Variants in RAB44 observed in about 807,000 individuals in gnomAD.
RAB44 encodes RAB44, member RAS oncogene family, also known as ras-related protein Rab-44.
Under a neutral mutation model 93.3 loss-of-function variants are expected in RAB44, and 67 were observed. The observed-to-expected ratio is 0.72, with a 90% CI of 0.59 to 0.88. The LOEUF (loss-of-function observed/expected upper bound fraction) is 0.88, where lower values mean the gene tolerates loss of function less well. Ranked by LOEUF, RAB44 falls within the 40% of genes least tolerant of loss-of-function variation. The pLI is 0.00. For missense variants in RAB44, 1,064 were observed against 1,261.7 expected, an observed-to-expected ratio of 0.84 and a Z score of 2.37; for synonymous variants, 427 against 520.3, an observed-to-expected ratio of 0.82 and a Z score of 2.44.
chr6:36,722,753 C>A lies in RAB44; in HGVS notation c.2599+20C>A. The A allele has an allele frequency of 6.5e-7, 1 of 1,550,150 alleles. No individual in the cohort carries two copies. Among genetic ancestry groups the A allele is most frequent in the South Asian group, 1.2e-5 (1 of 84,004 alleles). On this transcript the variant is annotated intron_variant, in intron 9 of 13. Transcript: ENST00000612677. ...CCGTGGGTAAGGGCATTGGGGAGGG[C>A]GGCAGGGAGCAAGGAGAGACGCAGG...
chr6:36,728,714 T>A lies in RAB44; in HGVS notation c.2811T>A (p.Asp937Glu). Residue 937 changes from aspartate to glutamate, a missense_variant, in exon 12 of 14, where the codon GAT becomes GAA. Physicochemically the swap from Asp to Glu is conservative, Grantham distance 45. Coordinates refer to ENST00000612677, the MANE Select transcript of RAB44 (RefSeq NM_001257357.2). ...WLDCLQDAGS[D>E]GVVILLLGNK... ...TCTGTGTGCAGGATGCAGGGTCGGA[T>A]GGGGTGGTCATCCTTCTCCTGGGAA... is the stretch of plus-strand genomic sequence containing the variant. 3 of 1,550,320 alleles carry A rather than the reference T, an allele frequency of 1.9e-6. No individual in the cohort carries two copies. In the South Asian group the frequency reaches 3.6e-5, roughly 18 times the overall value.
intron 2 of RAB44, among the ~76,000 whole-genome samples, chr6:36,707,058 G>A (rs562454379): frequency 2.0e-4 from 30 of 152,198 alleles, no homozygotes; most frequent in Admixed American, 9.8e-4. Context: ...GGTGGCTCAC[G>A]CCTGTAATCT....
chr6:36,702,439 G>A (rs1231616188), intron 1 of RAB44, among the ~76,000 whole-genome samples: 1 of 152,130 alleles, frequency 6.6e-6, no homozygotes, highest in Non-Finnish European at 1.5e-5. Flanking sequence ...CTTGCCCAAG[G>A]GGAGGCCGTG....
Position 36,722,728 on chromosome 6 carries a change from C to T in RAB44, c.2594C>T (p.Thr865Ile), listed in dbSNP as rs1407832006. ...QNSFATGLTATVGVDFRVKTL... is the reference protein window; with the variant it reads ...QNSFATGLTAIVGVDFRVKTL... ...TCTTTCGCCACCGGATTGACAGCTACCGTGGGTAAGGGCATTGGGGAGGGC... is the reference window on the plus strand; with the variant it reads ...TCTTTCGCCACCGGATTGACAGCTATCGTGGGTAAGGGCATTGGGGAGGGC... Residue 865 changes from threonine (T) to isoleucine (I), a missense_variant, in exon 9 of 14, where the codon ACC (threonine) becomes ATC (isoleucine). Transcript: ENST00000612677. 18 of 1,550,488 alleles carry T rather than the reference C, an allele frequency of 1.2e-5. No homozygotes were observed. Among genetic ancestry groups the T allele is most frequent in the Non-Finnish European group, 1.5e-5 (17 of 1,147,006 alleles).
intron 12 of RAB44, among the ~76,000 whole-genome samples, chr6:36,729,368 A>G (rs1341271000): frequency 6.6e-6 from 1 of 151,946 alleles, no homozygotes; most frequent in African/African-American, 2.4e-5. Context: ...CCTCTCACAC[A>G]ACCCCTCTTG....
At position 36,721,676 on chromosome 6, in the gene RAB44, C is replaced by T; in HGVS notation, c.1542C>T (p.Ala514=). 6 of 1,234,402 alleles carry T rather than the reference C, an allele frequency of 4.9e-6. No individual in the cohort carries two copies. The highest frequency in any genetic ancestry group is 3.2e-5 in the East Asian group (1 of 31,694). 76.5% of individuals were successfully genotyped at this position (1,234,402 alleles called of 1,614,324 possible). A position where few individuals can be genotyped will look rare whatever the true frequency, so the allele number is the denominator to read the frequency against. ...PPPANSPPPQ[A]PAGSSKQIQA... ...CTGCGAACTCTCCCCCTCCCCAGGC[C>T]CCAGCTGGGTCCAGCAAACAGATCC... Residue 514 remains alanine (A), a synonymous_variant, in exon 9 of 14, where the codon GCC becomes GCT. Coordinates refer to ENST00000612677, the MANE Select transcript of RAB44 (RefSeq NM_001257357.2).
At chr6:36,702,433 C>T (rs1762536546) in intron 1 of RAB44, among the ~76,000 whole-genome samples, 1 of 151,988 alleles carries the variant, frequency 6.6e-6, no homozygotes, top group Non-Finnish European at 1.5e-5. Flanking sequence ...GGGAAGCTTG[C>T]CCAAGGGGAG....
chr6:36,699,986 T>G (rs560145416), intron 1 of RAB44, among the ~76,000 whole-genome samples: 1 of 152,204 alleles, frequency 6.6e-6, no homozygotes, highest in African/African-American at 2.4e-5. Flanking sequence ...GATAGAACAG[T>G]GAACAGAATG....
Position 36,704,337 on chromosome 6 carries a change from C to T in RAB44, c.102C>T (p.Ala34=), listed in dbSNP as rs1304196956. The change falls in exon 2 of 14, where the codon GCC becomes GCT. Residue 34 remains alanine, a synonymous_variant. Coordinates refer to ENST00000612677, the MANE Select transcript of RAB44 (RefSeq NM_001257357.2). The part of the protein sequence containing the change: ...EPADGEGAAV[A]PEPESWSSQA... Reference sequence around the variant, plus strand: ...CTGATGGTGAAGGCGCTGCAGTGGCCCCAGAGCCAGAGTCTTGGTCCTCTC... The same window carrying T: ...CTGATGGTGAAGGCGCTGCAGTGGCTCCAGAGCCAGAGTCTTGGTCCTCTC... The T allele has an allele frequency of 3.5e-5, 54 of 1,535,958 alleles. No individual in the cohort carries two copies. Among genetic ancestry groups the T allele is most frequent in the Non-Finnish European group, 4.5e-5 (52 of 1,146,898 alleles).
rs1271243355 is a variant in RAB44, at chr6:36,717,280, G to T, written c.502G>T (p.Glu168Ter). ...GTGHLLPKQMEIWQLWGQLRQ... is the reference protein window; with the variant it reads ...GTGHLLPKQM Reference sequence around the variant, plus strand: ...CTGTCTTCCCCTCCCCAGGCAGATGGAAATCTGGCAACTGTGGGGGCAGCT... The same window carrying T: ...CTGTCTTCCCCTCCCCAGGCAGATGTAAATCTGGCAACTGTGGGGGCAGCT... Residue 168 changes from glutamate (E) to a stop codon, truncating the protein, a stop_gained, in exon 5 of 14, where the codon GAA (glutamate) becomes TAA (stop). Coordinates refer to ENST00000612677, the MANE Select transcript of RAB44 (RefSeq NM_001257357.2). LOFTEE classifies it high-confidence loss of function. The surrounding 1 kb of genome is among the most constrained non-coding windows in gnomAD (Gnocchi z 4.1). The T allele has an allele frequency of 8.1e-7, 1 of 1,232,054 alleles. No homozygotes were observed. Among genetic ancestry groups the T allele is most frequent in the Admixed American group, 4.2e-5 (1 of 23,694 alleles). 76.3% of individuals were successfully genotyped at this position (1,232,054 alleles called of 1,614,324 possible).
At chr6:36,704,527 C>G in intron 2 of RAB44, 85 bp downstream of exon 2, 10 of 1,223,274 alleles carry the variant, frequency 8.2e-6, no homozygotes, top group East Asian at 2.6e-5. Flanking sequence ...GAAGGCAGGG[C>G]TTGCTACCCC....
At chr6:36,712,550 A>G (rs1350810798) in intron 2 of RAB44, among the ~76,000 whole-genome samples, 1 of 152,022 alleles carries the variant, frequency 6.6e-6, no homozygotes, top group Non-Finnish European at 1.5e-5. Flanking sequence ...TTTTTAGTAG[A>G]GACGGAGTTT....
chr6:36,729,461 G>A (rs1203081186), intron 12 of RAB44, among the ~76,000 whole-genome samples: 1 of 151,834 alleles, frequency 6.6e-6, no homozygotes, highest in Non-Finnish European at 1.5e-5. Flanking sequence ...CCTGCTGGAA[G>A]GGAATTTTTT....
chr6:36,717,744 G>A lies in RAB44; in HGVS notation c.642-284G>A, dbSNP rs1219352831. Among the ~76,000 whole-genome samples, 3 of 152,168 alleles carry A rather than the reference G, an allele frequency of 2.0e-5. No individual in the cohort carries two copies. The highest frequency in any genetic ancestry group is 7.2e-5 in the African/African-American group (3 of 41,428). On this transcript the variant is annotated intron_variant, in intron 5 of 13. Transcript: ENST00000612677. This position sits in a 1 kb window ranked among gnomAD's most constrained non-coding sequence, Gnocchi z 4.1. ...AGGAGGACGGTGAAAGAGGGAGTGG[G>A]GACTGAGTGATGGGGTGATGGGGAC...
chr6:36,720,356 C>G lies in RAB44; in HGVS notation c.829-7C>G, dbSNP rs1409854591. The stretch of plus-strand genomic sequence containing the variant: ...GGCTTCTCTCCGCCTCACCCTCCAC[C>G]CTGCAGCTGGAGGCCCAGCTCTCCC... On this transcript the variant is annotated splice_polypyrimidine_tract_variant and splice_region_variant and intron_variant, in intron 7 of 13. Transcript: ENST00000612677. 4.1e-6 allele frequency: 5 copies of G among 1,232,244 alleles called. No individual in the cohort carries two copies. In the African/African-American group the frequency reaches 4.7e-5, roughly 11 times the overall value. 76.3% of individuals were successfully genotyped at this position (1,232,244 alleles called of 1,614,324 possible). A position where few individuals can be genotyped will look rare whatever the true frequency, so the allele number is the denominator to read the frequency against.
rs1284052735 is a variant in RAB44, at chr6:36,723,769, T to A, written c.2599+1036T>A. On this transcript the variant is annotated intron_variant, in intron 9 of 13. Coordinates refer to ENST00000612677, the MANE Select transcript of RAB44 (RefSeq NM_001257357.2). ...AGAATGACGTGAACCCAGGAGGCGGTGCTTGCAGTGAGTCGAGATCGCACC... is the reference window on the plus strand; with the variant it reads ...AGAATGACGTGAACCCAGGAGGCGGAGCTTGCAGTGAGTCGAGATCGCACC... Among the ~76,000 whole-genome samples the A allele has an allele frequency of 1.7e-4, 24 of 141,660 alleles. 1 individual carries two copies. Among genetic ancestry groups the A allele is most frequent in the Admixed American group, 7.6e-4 (10 of 13,082 alleles). 92.9% of individuals were successfully genotyped at this position (141,660 alleles called of 152,430 possible). A position where few individuals can be genotyped will look rare whatever the true frequency, so the allele number is the denominator to read the frequency against.
intron 9 of RAB44, among the ~76,000 whole-genome samples, chr6:36,724,305 C>G (rs867309782): frequency 3.3e-5 from 5 of 151,954 alleles, no homozygotes; most frequent in Non-Finnish European, 5.9e-5. Context: ...GTAGCTGAGA[C>G]TACAGGTGTG....
rs1762970726 is a variant in RAB44 at position 36,718,083 on chromosome 6, C to A, written c.697C>A (p.Gln233Lys). 1.6e-6 allele frequency: 2 copies of A among 1,232,298 alleles called. No individual in the cohort carries two copies. Among genetic ancestry groups the A allele is most frequent in the South Asian group, 8.2e-5 (2 of 24,316 alleles). 76.3% of individuals were successfully genotyped at this position (1,232,298 alleles called of 1,614,324 possible). A position where few individuals can be genotyped will look rare whatever the true frequency, so the allele number is the denominator to read the frequency against. The change falls in exon 6 of 14, where the codon CAG (glutamine) becomes AAG (lysine). Residue 233 changes from glutamine (Q) to lysine (K), a missense_variant. Transcript: ENST00000612677. ...GCAGCTCTATGAGGAGATGGAGCAG[C>A]AGATCCGCCAGGAGAAGCAGCAGCT... Reference protein sequence around the residue: ...VQQLYEEMEQQIRQEKQQLQA... With the variant: ...VQQLYEEMEQKIRQEKQQLQA...
Position 36,715,534 on chromosome 6 carries a change from G to A in RAB44, c.375G>A (p.Leu125=). 1.3e-6 allele frequency: 2 copies of A among 1,536,190 alleles called. No individual in the cohort carries two copies. Among genetic ancestry groups the A allele is most frequent in the Non-Finnish European group, 1.7e-6 (2 of 1,146,916 alleles). ...ACAGGCTCCGCAGAAGGAAGCCACT[G>A]CCCTCTAAGCGGGTATCTGCTACCA... ...SPHRLRRRKP[L]PSKRVSATTS... is the part of the protein sequence containing the mutation. Residue 125 remains leucine, a synonymous_variant, in exon 4 of 14, where the codon CTG becomes CTA. Transcript: ENST00000612677.
Sources: gnomAD v4.1 joint callset for allele counts (sites outside exome capture counted in the v4.1 genomes callset) on GRCh38, gnomAD v4.1.1 for gene constraint, Gnocchi (gnomAD v3.1) non-coding constraint, MANE v1.5 for transcripts, NCBI Gene and HGNC (gene_info 2026-07-23, HGNC 2026-07-21) for gene names.